Variants in NSDHL observed in about 807,000 individuals in gnomAD.
NSDHL encodes the protein sterol-4-alpha-carboxylate 3-dehydrogenase, decarboxylating.
NSDHL carries 1 observed loss-of-function variant against 23.0 expected under a neutral mutation model. That is an observed-to-expected ratio of 0.04 (90% CI 0.02 to 0.21). The LOEUF (loss-of-function observed/expected upper bound fraction) is 0.21. NSDHL is among the 10% of genes least tolerant of loss of function. The pLI, the probability that NSDHL is intolerant of heterozygous loss-of-function variation, is 1.00. For missense variants in NSDHL, 237 were observed against 300.9 expected (o/e 0.79, Z 1.57); for synonymous variants, 128 against 121.1 (o/e 1.06, Z -0.37).
At chrX:152,860,094 A>G (rs1287831156) in intron 4 of NSDHL, among the ~76,000 whole-genome samples, 2 of 111,991 alleles carry the variant, frequency 1.8e-5, no homozygotes, top group Non-Finnish European at 3.8e-5. Flanking sequence ...CTCTCCCAAC[A>G]ACCTGTCCTG....
chrX:152,864,353 C>T (rs1382679327), intron 5 of NSDHL, among the ~76,000 whole-genome samples: 1 of 112,375 alleles, frequency 8.9e-6, no homozygotes, highest in Non-Finnish European at 1.9e-5. Context: ...CCTTGGAGCA[C>T]TCATGTGCTC....
At chrX:152,857,526 T>C (rs1194517939) in intron 3 of NSDHL, among the ~76,000 whole-genome samples, 1 of 111,679 alleles carries the variant, frequency 9.0e-6, no homozygotes, top group African/African-American at 3.3e-5. Flanking sequence ...ACCCAAACCC[T>C]TGAAAAATGG....
Position 152,846,322 on chromosome X carries a change from G to T in NSDHL, c.-3G>T. 1 of 1,202,024 alleles carries T rather than the reference G, an allele frequency of 8.3e-7. No homozygotes were observed. Among genetic ancestry groups the T allele is most frequent in the Non-Finnish European group, 1.1e-6 (1 of 886,376 alleles). ...TACAAACGGGACCATATTTTGCTTC[G>T]AAATGGAACCAGCAGTTAGCGAGCC... On this transcript the variant is annotated 5_prime_UTR_variant, in exon 2 of 8. Coordinates refer to ENST00000370274, the MANE Select transcript of NSDHL (RefSeq NM_015922.3).
chrX:152,865,954 G>A lies in NSDHL; in HGVS notation c.679G>A (p.Val227Met), dbSNP rs2095462388. 8 of 1,212,129 alleles carry A rather than the reference G, an allele frequency of 6.6e-6. No homozygotes were observed. The highest frequency in any genetic ancestry group is 1.8e-5 in the South Asian group (1 of 57,061). The change falls in exon 6 of 8, where the codon GTG becomes ATG. Residue 227 changes from valine to methionine, a missense_variant. Physicochemically the swap from Val to Met is conservative, Grantham distance 21 (BLOSUM62 1). This residue lies in a region of NSDHL where 39 missense variants were observed against 98.1 expected (regional missense o/e 0.40). Transcript: ENST00000370274. ...AGCCAGGAACGGCAAGATGAAGTTC[G>A]TGATTGGGTGAGTCAGCCCACAGCG... ...EAARNGKMKF[V>M]IGNGKNLVDF...
intron 1 of NSDHL, among the ~76,000 whole-genome samples, chrX:152,832,060 T>C (rs111484951): frequency 9.0e-6 from 1 of 111,098 alleles, no homozygotes; most frequent in African/African-American, 3.3e-5. Flanking sequence ...ACGTGTCCCC[T>C]TCCATCGCTC....
At chrX:152,840,597 C>T (rs1303133889) in intron 1 of NSDHL, among the ~76,000 whole-genome samples, 1 of 112,354 alleles carries the variant, frequency 8.9e-6, no homozygotes, top group Non-Finnish European at 1.9e-5. Context: ...GCTGGAGCTC[C>T]ACTCCAAACC....
intron 7 of NSDHL, 41 bp from the exon 8 acceptor site, chrX:152,868,743 G>C: frequency 1.8e-6 from 2 of 1,110,055 alleles, no homozygotes; most frequent in South Asian, 3.6e-5. Flanking sequence ...TGGGCAGGTG[G>C]GGGTGGTGTT....
chrX:152,865,228 T>C (rs986346352), intron 5 of NSDHL, among the ~76,000 whole-genome samples: 11 of 112,252 alleles, frequency 9.8e-5, no homozygotes, highest in Non-Finnish European at 1.7e-4. Context: ...CTGAGGACTT[T>C]ACATGTCTCG....
chrX:152,853,376 TTC>T, intron 3 of NSDHL, among the ~76,000 whole-genome samples: 1 of 110,693 alleles, frequency 9.0e-6, no homozygotes. Context: ...CCCGATTCCT[TTC>T]TCTCTCATGC....
At chrX:152,842,305 G>A (rs919227732) in intron 1 of NSDHL, among the ~76,000 whole-genome samples, 2 of 111,016 alleles carry the variant, frequency 1.8e-5, no homozygotes, top group Admixed American at 9.6e-5. Flanking sequence ...TTTCCACAAC[G>A]TCGCACCATT....
At chrX:152,863,429 G>A (rs1280910501) in intron 5 of NSDHL, among the ~76,000 whole-genome samples, 1 of 111,903 alleles carries the variant, frequency 8.9e-6, no homozygotes, top group Non-Finnish European at 1.9e-5. Context: ...GCCTGCTATG[G>A]GAATTTACAG....
chrX:152,850,357 T>C lies in NSDHL; in HGVS notation c.201T>C (p.Phe67=). The change falls in exon 3 of 8, where the codon TTT becomes TTC. Residue 67 remains phenylalanine, a synonymous_variant. Coordinates refer to ENST00000370274, the MANE Select transcript of NSDHL (RefSeq NM_015922.3). ...LLARGYAVNV[F]DIQQGFDNPQ... ...CAAGAGGATATGCTGTCAATGTATTTGATATCCAGCAAGGGTTTGATAATC... is the reference window on the plus strand; with the variant it reads ...CAAGAGGATATGCTGTCAATGTATTCGATATCCAGCAAGGGTTTGATAATC... The C allele has an allele frequency of 8.3e-7, 1 of 1,209,497 alleles. No homozygotes were observed.
chrX:152,868,198 C>T lies in NSDHL; in HGVS notation c.789+525C>T, dbSNP rs1388980180. ...TGTCACCCTGGCTGGAGTGCAGTGG[C>T]GTGATCTCGGTTCACTGCAACCTCC... On this transcript the variant is annotated intron_variant, in intron 7 of 7. Transcript: ENST00000370274. 3.8e-5 allele frequency among the ~76,000 whole-genome samples: 4 copies of T among 104,621 alleles called. No homozygotes were observed. In the South Asian group the frequency reaches 1.3e-3, roughly 35 times the overall value. The allele number at this position is 104,621 out of a possible 115,157, so 90.9% of individuals were successfully genotyped here.
At chrX:152,862,790 T>C in intron 5 of NSDHL, 66 bp downstream of exon 5, 1 of 1,065,762 alleles carries the variant, frequency 9.4e-7, no homozygotes, top group Non-Finnish European at 1.3e-6. Context: ...AAAATGTTTA[T>C]GAACTTATGA....
chrX:152,840,813 G>C (rs2125004229), intron 1 of NSDHL, among the ~76,000 whole-genome samples: 2 of 112,896 alleles, frequency 1.8e-5, no homozygotes, highest in African/African-American at 3.2e-5. Flanking sequence ...CAAACGCCAT[G>C]CTGGGAGAAC....
chrX:152,847,063 AGGCCGAGACAGGT>A (rs1318832270), intron 2 of NSDHL, among the ~76,000 whole-genome samples: 3 of 112,092 alleles, frequency 2.7e-5, no homozygotes, highest in Non-Finnish European at 5.6e-5. Context: ...GCACTTTGGG[AGGCCGAGACAGGT>A]GGATCACCAG....
At chrX:152,851,673 A>G (rs1933359149) in intron 3 of NSDHL, among the ~76,000 whole-genome samples, 2 of 110,314 alleles carry the variant, frequency 1.8e-5, no homozygotes, top group Admixed American at 1.9e-4. Context: ...TGCTGCTCTA[A>G]GCCTCTCCAG....
In NSDHL at chrX:152,869,646, G is replaced by C. The variant is rs1328130955; in HGVS notation, c.*530G>C. 1.5e-5 allele frequency: 2 copies of C among 129,248 alleles called. No homozygotes were observed. Among genetic ancestry groups the C allele is most frequent in the Non-Finnish European group, 3.2e-5 (2 of 62,232 alleles). 10.7% of individuals were successfully genotyped at this position (129,248 alleles called of 1,213,427 possible). ...TACTGACAGTGAGCTTAGAGCAAAAGCTGAAAGCTGAAATGACTGTAATTC... is the reference window on the plus strand; with the variant it reads ...TACTGACAGTGAGCTTAGAGCAAAACCTGAAAGCTGAAATGACTGTAATTC... On this transcript the variant is annotated 3_prime_UTR_variant, in exon 8 of 8. Coordinates refer to ENST00000370274, the MANE Select transcript of NSDHL (RefSeq NM_015922.3).
intron 1 of NSDHL, among the ~76,000 whole-genome samples, chrX:152,841,951 C>G (rs1403808153): frequency 8.9e-6 from 1 of 112,326 alleles, no homozygotes; most frequent in Non-Finnish European, 1.9e-5. Context: ...CAGTCACTCC[C>G]CACTCACAGA....
Sources: gnomAD v4.1 joint callset for allele counts (sites outside exome capture counted in the v4.1 genomes callset) on GRCh38, gnomAD v4.1.1 for gene constraint, gnomAD v4.1.1 regional missense constraint, MANE v1.5 for transcripts, NCBI Gene and HGNC (gene_info 2026-07-23, HGNC 2026-07-21) for gene names.